Variants in SLC8A1 observed in about 807,000 individuals in gnomAD.
The protein encoded by SLC8A1 is solute carrier family 8 member A1.
In SLC8A1, 18 loss-of-function variants were observed where a neutral mutation model predicts 68.3. The ratio of observed to expected loss-of-function variants is 0.26; its 90% CI spans 0.18 to 0.39. SLC8A1 has a LOEUF of 0.39. Ranked by LOEUF, SLC8A1 falls within the 10% of genes least tolerant of loss-of-function variation. SLC8A1 has a pLI of 1.00. For missense variants in SLC8A1, 985 were observed against 1,156.7 expected (o/e 0.85, Z 2.15); for synonymous variants, 475 against 415.5 (o/e 1.14, Z -1.74).
chr2:40,196,961 G>A (rs940720636), intron 2 of SLC8A1, among the ~76,000 whole-genome samples: 2 of 152,014 alleles, frequency 1.3e-5, no homozygotes, highest in Non-Finnish European at 2.9e-5. Flanking sequence ...TACTAAGTCT[G>A]TAGCATATTC....
intron 6 of SLC8A1, among the ~76,000 whole-genome samples, chr2:40,158,963 A>G (rs2045146452): frequency 1.3e-5 from 2 of 152,144 alleles, no homozygotes; most frequent in Admixed American, 1.3e-4. Flanking sequence ...GCATAATCCC[A>G]TTCACTGTTT....
intron 2 of SLC8A1, among the ~76,000 whole-genome samples, chr2:40,181,050 C>T (rs933461730): frequency 6.6e-6 from 1 of 151,724 alleles, no homozygotes; most frequent in Non-Finnish European, 1.5e-5. Flanking sequence ...ACCTCCGCCT[C>T]CCAGGTTCAA....
chr2:40,210,359 T>G (rs995694626), intron 2 of SLC8A1, among the ~76,000 whole-genome samples: 5 of 152,164 alleles, frequency 3.3e-5, no homozygotes, highest in African/African-American at 7.2e-5. Flanking sequence ...CTCTTTGCAT[T>G]TGGGCTCAAG....
chr2:40,335,672 G>C (rs1053042379), intron 2 of SLC8A1, among the ~76,000 whole-genome samples: 12 of 152,348 alleles, frequency 7.9e-5, no homozygotes, highest in African/African-American at 2.9e-4. Flanking sequence ...ATGGCCCACA[G>C]GGCCAGTCTA....
At chr2:40,170,111 C>T (rs17025386) in intron 4 of SLC8A1, among the ~76,000 whole-genome samples, 170 bp downstream of exon 7, 4,932 of 152,212 alleles carry the variant, frequency 0.032, 274 homozygotes, top group African/African-American at 0.11. Context: ...TCTGCCCTCA[C>T]GTGCTTGTGT....
chr2:40,152,278 C>T (rs1470675892), intron 6 of SLC8A1, among the ~76,000 whole-genome samples: 1 of 152,148 alleles, frequency 6.6e-6, no homozygotes, highest in Non-Finnish European at 1.5e-5. Context: ...AAACAACCTT[C>T]CAATATATAG....
At chr2:40,479,347 G>A in intron 1 of SLC8A1, among the ~76,000 whole-genome samples, 1 of 152,054 alleles carries the variant, frequency 6.6e-6, no homozygotes, top group East Asian at 1.9e-4. Flanking sequence ...TTATATTTTA[G>A]CATAGTCACA....
chr2:40,463,861 C>T (rs573025964), intron 1 of SLC8A1, among the ~76,000 whole-genome samples: 2,197 of 145,748 alleles, frequency 0.015, 56 homozygotes, highest in African/African-American at 0.051. Flanking sequence ...CACACACACA[C>T]ACACACACAC....
intron 2 of SLC8A1, among the ~76,000 whole-genome samples, chr2:40,321,282 C>T (rs763594962): frequency 2.0e-5 from 3 of 152,008 alleles, no homozygotes; most frequent in Non-Finnish European, 4.4e-5. Flanking sequence ...TCTGAAATCT[C>T]GGTGTATGGT....
At position 40,295,275 on chromosome 2, in the gene SLC8A1, A is replaced by C. The variant is rs146594676; in HGVS notation, c.1809-117420T>G. On this transcript the variant is annotated intron_variant, in intron 2 of 7. Coordinates refer to ENST00000406785, the Ensembl canonical transcript of SLC8A1. ...CCACCATGCCCAGCTAATTTTAAAA[A>C]ATTATTTTGTAGAGCCTGGGTCTTG... is the stretch of plus-strand genomic sequence containing the variant. Among the ~76,000 whole-genome samples the C allele has an allele frequency of 7.1e-3, 1,083 of 151,834 alleles. 7 individuals are homozygous for C. The highest frequency in any genetic ancestry group is 0.013 in the Non-Finnish European group (869 of 67,928).
intron 2 of SLC8A1, among the ~76,000 whole-genome samples, chr2:40,277,069 A>C (rs2066794568): frequency 6.6e-6 from 1 of 152,252 alleles, no homozygotes; most frequent in East Asian, 1.9e-4. Context: ...CTGCATGAAT[A>C]TCACAGTTCA....
chr2:40,376,936 C>G (rs1338854533), intron 2 of SLC8A1, among the ~76,000 whole-genome samples: 2 of 151,984 alleles, frequency 1.3e-5, no homozygotes, highest in Non-Finnish European at 2.9e-5. Flanking sequence ...AAGATGACCC[C>G]CATGAACCAT....
At chr2:40,263,776 G>A (rs987941554) in intron 2 of SLC8A1, among the ~76,000 whole-genome samples, 1 of 152,078 alleles carries the variant, frequency 6.6e-6, no homozygotes, top group African/African-American at 2.4e-5. Context: ...TACCATTCAG[G>A]ACATAGGCAT....
chr2:40,358,292 C>G (rs1375982628), intron 2 of SLC8A1, among the ~76,000 whole-genome samples: 2 of 150,510 alleles, frequency 1.3e-5, no homozygotes, highest in African/African-American at 2.4e-5. Context: ...AAAAAAAGAC[C>G]CACCACATTG....
At chr2:40,167,759 AG>A (rs1200234463) in intron 4 of SLC8A1, among the ~76,000 whole-genome samples, 1 of 152,200 alleles carries the variant, frequency 6.6e-6, no homozygotes, top group Non-Finnish European at 1.5e-5. Flanking sequence ...ATGAGTGAGA[AG>A]GTTTATGAAC....
exon 8 of SLC8A1, chr2:40,107,045 AAGTT>A (rs1199530910): frequency 6.6e-6 from 1 of 152,096 alleles, no homozygotes; most frequent in African/African-American, 2.4e-5. Flanking sequence ...TGAAAATTGG[AAGTT>A]AGTTCAGTTA....
At chr2:40,113,811 C>T (rs1355469145) in exon 8 of SLC8A1, 1 of 152,688 alleles carries the variant, frequency 6.5e-6, no homozygotes, top group African/African-American at 2.4e-5. Flanking sequence ...TCTCCTTGGC[C>T]TTCCTGAATT....
intron 2 of SLC8A1, among the ~76,000 whole-genome samples, chr2:40,213,828 G>C (rs1283229404): frequency 6.6e-6 from 1 of 152,130 alleles, no homozygotes; most frequent in Non-Finnish European, 1.5e-5. Context: ...TATTACACTG[G>C]GGATAATTCA....
chr2:40,354,963 A>G (rs957429522), intron 2 of SLC8A1, among the ~76,000 whole-genome samples: 1 of 152,190 alleles, frequency 6.6e-6, no homozygotes, highest in African/African-American at 2.4e-5. Context: ...GCATAGAGAA[A>G]TGCTTTTTGA....
Sources: allele counts gnomAD v4.1 joint callset (sites outside exome capture counted in the v4.1 genomes callset), GRCh38; gene constraint gnomAD v4.1.1; transcripts MANE v1.5; gene names NCBI Gene and HGNC (gene_info 2026-07-23, HGNC 2026-07-21).